The following DOK7 variants were observed in gnomAD, a reference collection of about 807,000 sequenced individuals.
DOK7 encodes the protein protein Dok-7.
DOK7 carries 32 observed loss-of-function variants against 30.7 expected under a neutral mutation model. The observed-to-expected ratio is 1.04, with a 90% confidence interval of 0.79 to 1.40. DOK7 has a LOEUF of 1.40. Among genes scored for constraint, DOK7 ranks in the 40% most tolerant of loss-of-function variants. DOK7 has a pLI of 0.00. For missense variants in DOK7, 1,007 were observed against 699.2 expected (o/e 1.44, Z -4.97); for synonymous variants, 447 against 324.1 (o/e 1.38, Z -4.07).
Position 3,494,438 on chromosome 4 carries a change from C to T in DOK7, c.*937C>T, listed in dbSNP as rs1178311568. 1 of 985,516 alleles carries T rather than the reference C, an allele frequency of 1.0e-6. No individual in the cohort carries two copies. Among genetic ancestry groups the T allele is most frequent in the Non-Finnish European group, 1.2e-6 (1 of 830,064 alleles). 61.0% of individuals were successfully genotyped at this position (985,516 alleles called of 1,614,324 possible). On this transcript the variant is annotated 3_prime_UTR_variant, in exon 7 of 7. Coordinates refer to ENST00000340083, the MANE Select transcript of DOK7 (RefSeq NM_173660.5). ...CTTCACTGTCAGCTGTTTCTAAACCCAGACACTGTTTGTAATAGACTGGAA... is the reference window on the plus strand; with the variant it reads ...CTTCACTGTCAGCTGTTTCTAAACCTAGACACTGTTTGTAATAGACTGGAA...
At chr4:3,480,264 C>G (rs1458690546) in intron 4 of DOK7, among the ~76,000 whole-genome samples, 6 of 152,212 alleles carry the variant, frequency 3.9e-5, no homozygotes, top group African/African-American at 1.4e-4. Context: ...CTTTGCCCAG[C>G]CTCTGGGGGC....
In DOK7 at chr4:3,463,417, G is replaced by C; in HGVS notation, c.42G>C (p.Arg14=). 6.7e-7 allele frequency: 1 copy of C among 1,481,602 alleles called. No homozygotes were observed. The highest frequency in any genetic ancestry group is 8.9e-7 in the Non-Finnish European group (1 of 1,127,970). The allele number at this position is 1,481,602 out of a possible 1,614,324, so 91.8% of individuals were successfully genotyped here. A position where few individuals can be genotyped will look rare whatever the true frequency, so the allele number is the denominator to read the frequency against. The change falls in exon 1 of 7, where the codon CGG becomes CGC. Residue 14 remains arginine, a synonymous_variant. Coordinates refer to ENST00000340083, the MANE Select transcript of DOK7 (RefSeq NM_173660.5). ...TGGTGGAGGGCCAGGTCAAGCTGCG[G>C]GACGGCAAGAAGGTCGGGGCGCGTC... ...AALVEGQVKL[R]DGKKWKSRWL... is the part of the protein sequence containing the mutation.
chr4:3,497,176 GAC>G (rs1283811292), downstream of DOK7, among the ~76,000 whole-genome samples: 1 of 151,996 alleles, frequency 6.6e-6, no homozygotes, highest in African/African-American at 2.4e-5. Context: ...AAGGTTGGGA[GAC>G]ACAGACTGGG....
At chr4:3,467,457 C>T (rs10034741) in intron 2 of DOK7, among the ~76,000 whole-genome samples, 12 of 126,102 alleles carry the variant, frequency 9.5e-5, no homozygotes, top group Non-Finnish European at 1.4e-4. Flanking sequence ...AGACCCCCCC[C>T]CCCCACCCCA....
intron 4 of DOK7, among the ~76,000 whole-genome samples, chr4:3,479,871 G>A (rs965919846): frequency 3.9e-5 from 6 of 152,332 alleles, no homozygotes; most frequent in African/African-American, 9.6e-5. Context: ...TGTTGGTCAC[G>A]GGCCTGTAGT....
rs1383537658 is a variant in DOK7, at chr4:3,494,025, C to T, written c.*524C>T. ...GGGCTCCGTGTGCGCTGGGCCTCAT[C>T]CCCATCTATGGGAGGAAACTGAAGC... On this transcript the variant is annotated 3_prime_UTR_variant, in exon 7 of 7. Transcript: ENST00000340083. 3.0e-6 allele frequency: 3 copies of T among 989,906 alleles called. No homozygotes were observed. Among genetic ancestry groups the T allele is most frequent in the Non-Finnish European group, 3.6e-6 (3 of 833,164 alleles). The allele number at this position is 989,906 out of a possible 1,614,324, so 61.3% of individuals were successfully genotyped here.
exon 8 of DOK7, chr4:3,500,735 C>G: frequency 6.5e-7 from 1 of 1,535,600 alleles, no homozygotes; most frequent in East Asian, 2.4e-5. Context: ...TCATGGCCAC[C>G]GAGACGGCGC....
intron 4 of DOK7, among the ~76,000 whole-genome samples, chr4:3,478,954 C>T (rs970673622): frequency 1.3e-5 from 2 of 152,128 alleles, no homozygotes; most frequent in Non-Finnish European, 2.9e-5. Flanking sequence ...GGGCCTCCTG[C>T]GGGAGGGAGC....
intron 4 of DOK7, among the ~76,000 whole-genome samples, chr4:3,482,733 T>C (rs1287855960): frequency 1.3e-5 from 2 of 152,224 alleles, no homozygotes; most frequent in Non-Finnish European, 2.9e-5. Context: ...ATGCGCACCC[T>C]GTCTTGGGGA....
At chr4:3,491,382 GTTCA>G (rs1728422292) in intron 6 of DOK7, among the ~76,000 whole-genome samples, 1 of 94,184 alleles carries the variant, frequency 1.1e-5, no homozygotes, top group Admixed American at 1.3e-4. Context: ...CCCCCTGCTC[GTTCA>G]TTCCTTCCTG....
intron 6 of DOK7, among the ~76,000 whole-genome samples, chr4:3,490,877 C>T (rs1297988670): frequency 3.6e-5 from 4 of 109,736 alleles, no homozygotes; most frequent in African/African-American, 1.5e-4. Flanking sequence ...TCCTTCATTA[C>T]CCTCCTGCTC....
At chr4:3,497,014 G>C (rs542148702), downstream of DOK7, among the ~76,000 whole-genome samples, 15 of 151,752 alleles carry the variant, frequency 9.9e-5, no homozygotes, top group South Asian at 3.1e-3. Flanking sequence ...GGTGAAAGTG[G>C]TTGTTGGCTG....
intron 6 of DOK7, among the ~76,000 whole-genome samples, chr4:3,499,752 G>A (rs549468559): frequency 3.9e-4 from 60 of 152,152 alleles, no homozygotes; most frequent in African/African-American, 1.3e-3. Flanking sequence ...GAGAGGAGGG[G>A]GTCCCTGGAG....
chr4:3,474,408 G>A (rs532236057), intron 3 of DOK7, among the ~76,000 whole-genome samples: 5 of 152,290 alleles, frequency 3.3e-5, no homozygotes, highest in African/African-American at 9.6e-5. Flanking sequence ...GGCTGGGCAC[G>A]GTGGCTCATA....
At chr4:3,499,898 G>T (rs1196517113) in intron 6 of DOK7, among the ~76,000 whole-genome samples, 1 of 151,072 alleles carries the variant, frequency 6.6e-6, no homozygotes, top group Admixed American at 6.6e-5. Context: ...GGTTGGTGGA[G>T]AGAGTTGGGA....
intron 3 of DOK7, among the ~76,000 whole-genome samples, 177 bp downstream of exon 3, chr4:3,473,813 G>A (rs1381972917): frequency 6.6e-6 from 1 of 152,178 alleles, no homozygotes; most frequent in African/African-American, 2.4e-5. Context: ...CGAGGGTTTG[G>A]GAGGGGGAGT....
chr4:3,486,375 C>G (rs114331443), intron 5 of DOK7, among the ~76,000 whole-genome samples: 6 of 152,264 alleles, frequency 3.9e-5, no homozygotes. Flanking sequence ...CTTGACCCAA[C>G]GTCCAAGTGA....
chr4:3,492,069 T>C (rs1728502388), intron 6 of DOK7, among the ~76,000 whole-genome samples: 1 of 152,054 alleles, frequency 6.6e-6, no homozygotes, highest in African/African-American at 2.4e-5. Flanking sequence ...CTGCTTTCCA[T>C]TTGGGAGCCC....
At chr4:3,469,063 AGT>A (rs34539219) in intron 2 of DOK7, among the ~76,000 whole-genome samples, 40 of 142,844 alleles carry the variant, frequency 2.8e-4, no homozygotes, top group African/African-American at 9.1e-4. Context: ...TGTGTGCATT[AGT>A]GTGTGTGCCT....
Sources: allele counts gnomAD v4.1 joint callset (sites outside exome capture counted in the v4.1 genomes callset), GRCh38; gene constraint gnomAD v4.1.1; transcripts MANE v1.5; gene names NCBI Gene and HGNC (gene_info 2026-07-23, HGNC 2026-07-21).